Variants in LPCAT1 observed in about 807,000 individuals in gnomAD.
LPCAT1 encodes 1-acylglycerol-3-phosphate O-acyltransferase.
LPCAT1 carries 23 observed loss-of-function variants against 60.9 expected under a neutral mutation model. The observed-to-expected ratio is 0.38, with a 90% CI of 0.27 to 0.53. The LOEUF (loss-of-function observed/expected upper bound fraction) is 0.53. Ranked by LOEUF, LPCAT1 falls within the 20% of genes least tolerant of loss-of-function variation. The probability of loss-of-function intolerance (pLI) is 0.82; values close to 1 mark genes in which losing one functional copy is unlikely to be tolerated. For missense variants in LPCAT1, 622 were observed against 723.6 expected (o/e 0.86, Z 1.61); for synonymous variants, 340 against 301.1 (o/e 1.13, Z -1.34).
intron 1 of LPCAT1, among the ~76,000 whole-genome samples, chr5:1,520,875 A>G (rs951974514): frequency 6.0e-5 from 9 of 150,382 alleles, no homozygotes; most frequent in East Asian, 1.9e-4. Flanking sequence ...AAAAAAAAAA[A>G]AAAAGAAAAA....
At chr5:1,517,529 G>A (rs1246924575) in intron 1 of LPCAT1, among the ~76,000 whole-genome samples, 1 of 152,192 alleles carries the variant, frequency 6.6e-6, no homozygotes, top group Non-Finnish European at 1.5e-5. Flanking sequence ...GCCCCTGCAG[G>A]CACAGGAGGC....
Position 1,462,224 on chromosome 5 carries a change from T to G in LPCAT1, c.*1427A>C, listed in dbSNP as rs1043715743. 6.6e-6 allele frequency: 1 copy of G among 152,504 alleles called. No homozygotes were observed. The highest frequency in any genetic ancestry group is 1.9e-4 in the East Asian group (1 of 5,188). 9.4% of individuals were successfully genotyped at this position (152,504 alleles called of 1,614,324 possible). On this transcript the variant is annotated 3_prime_UTR_variant, in exon 14 of 14. Coordinates refer to ENST00000283415, the MANE Select transcript of LPCAT1 (RefSeq NM_024830.5). ...CAATTCATTTCAGAAATCAAAAAAA[T>G]TTTCCAAACAAACCCGGAGCCTTTG...
At chr5:1,466,713 A>C (rs775777761) in intron 13 of LPCAT1, 36 bp downstream of exon 13, 4 of 1,587,590 alleles carry the variant, frequency 2.5e-6, no homozygotes, top group Admixed American at 3.4e-5. Context: ...CCCCCGCCCA[A>C]GGGTCGCGAG....
chr5:1,468,110 G>A (rs1018418583), intron 12 of LPCAT1, among the ~76,000 whole-genome samples: 3 of 152,090 alleles, frequency 2.0e-5, no homozygotes, highest in Non-Finnish European at 4.4e-5. Flanking sequence ...CCAGCCTTCC[G>A]GCCTGGCAAG....
At chr5:1,485,085 C>T (rs562628602) in intron 5 of LPCAT1, among the ~76,000 whole-genome samples, 147 of 152,274 alleles carry the variant, frequency 9.7e-4, no homozygotes, top group African/African-American at 3.2e-3. Context: ...CGTGGAGTGC[C>T]GAGACCTGCT....
intron 5 of LPCAT1, among the ~76,000 whole-genome samples, chr5:1,485,510 T>C (rs866526948): frequency 3.6e-4 from 55 of 152,256 alleles, no homozygotes; most frequent in African/African-American, 1.2e-3. Flanking sequence ...TATTCACACA[T>C]AGCTTGTGCT....
Position 1,480,620 on chromosome 5 carries a change from C to T in LPCAT1, c.761+322G>A, listed in dbSNP as rs1735101277. Among the ~76,000 whole-genome samples the T allele has an allele frequency of 6.6e-6, 1 of 152,134 alleles. No homozygotes were observed. Among genetic ancestry groups the T allele is most frequent in the Non-Finnish European group, 1.5e-5 (1 of 68,022 alleles). ...GTGCAGACGGGGTCCCCCCAGACACCCCTAAATCTCCACTTTCCTTACCAG... is the reference window on the plus strand; with the variant it reads ...GTGCAGACGGGGTCCCCCCAGACACTCCTAAATCTCCACTTTCCTTACCAG... On this transcript the variant is annotated intron_variant, in intron 7 of 13. Transcript: ENST00000283415. The surrounding 1 kb of genome is among the most constrained non-coding windows in gnomAD (Gnocchi z 6.4).
At position 1,495,073 on chromosome 5, in the gene LPCAT1, A is replaced by G; in HGVS notation, c.279-159T>C. 1.5e-6 allele frequency: 1 copy of G among 677,272 alleles called. No homozygotes were observed. The allele number at this position is 677,272 out of a possible 1,614,324, so 42.0% of individuals were successfully genotyped here. ...TGGGACATCTGCTTGAGGGAAGAAA[A>G]GACGCCGCGCCTTCCTGGCCTCCGC... is the stretch of plus-strand genomic sequence containing the variant. On this transcript the variant is annotated intron_variant, in intron 2 of 13. Transcript: ENST00000283415. This position sits in a 1 kb window ranked among gnomAD's most constrained non-coding sequence, Gnocchi z 4.7.
chr5:1,501,287 G>A (rs903416223), intron 2 of LPCAT1, among the ~76,000 whole-genome samples, 174 bp downstream of exon 2: 4 of 152,216 alleles, frequency 2.6e-5, no homozygotes, highest in Non-Finnish European at 5.9e-5. Context: ...CAGAGGCAAC[G>A]GGGAGGTGGC....
Position 1,522,509 on chromosome 5 carries a change from C to G in LPCAT1, c.135+1201G>C, listed in dbSNP as rs1736706754. The stretch of plus-strand genomic sequence containing the variant: ...GGGACGACCTCACCCTGTGTGTCAC[C>G]AGGAGGGGCGGCACCATCGGGCTCT... On this transcript the variant is annotated intron_variant, in intron 1 of 13. Coordinates refer to ENST00000283415, the MANE Select transcript of LPCAT1 (RefSeq NM_024830.5). This position sits in a 1 kb window ranked among gnomAD's most constrained non-coding sequence, Gnocchi z 6.8. Among the ~76,000 whole-genome samples, 1 of 152,150 alleles carries G rather than the reference C, an allele frequency of 6.6e-6. No homozygotes were observed. The highest frequency in any genetic ancestry group is 2.1e-4 in the South Asian group (1 of 4,834).
At position 1,477,550 on chromosome 5, in the gene LPCAT1, G is replaced by T; in HGVS notation, c.817-64C>A. The T allele has an allele frequency of 1.7e-6, 2 of 1,207,096 alleles. No homozygotes were observed. Among genetic ancestry groups the T allele is most frequent in the South Asian group, 1.3e-5 (1 of 78,798 alleles). 74.8% of individuals were successfully genotyped at this position (1,207,096 alleles called of 1,614,324 possible). On this transcript the variant is annotated intron_variant, in intron 8 of 13. Coordinates refer to ENST00000283415, the MANE Select transcript of LPCAT1 (RefSeq NM_024830.5). This position sits in a 1 kb window ranked among gnomAD's most constrained non-coding sequence, Gnocchi z 6.0. ...CTGACCTCAGCAACACCACTGTAAC[G>T]ACAACTGGGAGGCTGACAAAATTAA... is the stretch of plus-strand genomic sequence containing the variant.
At position 1,489,726 on chromosome 5, in the gene LPCAT1, A is replaced by G. The variant is rs758546697; in HGVS notation, c.606+20T>C. On this transcript the variant is annotated intron_variant, in intron 4 of 13. Coordinates refer to ENST00000283415, the MANE Select transcript of LPCAT1 (RefSeq NM_024830.5). Reference sequence around the variant, plus strand: ...TTCGGAATAAAACCACTGAAACACAATCAGGGCTACGTGCATTACCTGTGG... The same window carrying G: ...TTCGGAATAAAACCACTGAAACACAGTCAGGGCTACGTGCATTACCTGTGG... 1.3e-6 allele frequency: 2 copies of G among 1,527,824 alleles called. No homozygotes were observed. The highest frequency in any genetic ancestry group is 1.8e-6 in the Non-Finnish European group (2 of 1,101,194). The allele number at this position is 1,527,824 out of a possible 1,614,324, so 94.6% of individuals were successfully genotyped here.
At chr5:1,469,271 C>T (rs540523815) in intron 12 of LPCAT1, among the ~76,000 whole-genome samples, 2 of 152,284 alleles carry the variant, frequency 1.3e-5, no homozygotes, top group East Asian at 3.9e-4. Flanking sequence ...TACCCCACCC[C>T]AAGCAGGGAC....
At chr5:1,464,718 C>G (rs1355061620) in intron 13 of LPCAT1, among the ~76,000 whole-genome samples, 1 of 144,666 alleles carries the variant, frequency 6.9e-6, no homozygotes, top group Non-Finnish European at 1.5e-5. Flanking sequence ...AGAGCACACA[C>G]GGTAAACACA....
chr5:1,492,784 G>C (rs1258897382), intron 3 of LPCAT1, among the ~76,000 whole-genome samples: 1 of 152,154 alleles, frequency 6.6e-6, no homozygotes, highest in Non-Finnish European at 1.5e-5. Flanking sequence ...TCGTGTTGGT[G>C]ATCTCCACAG....
intron 9 of LPCAT1, among the ~76,000 whole-genome samples, chr5:1,475,582 C>T (rs891879448): frequency 2.6e-5 from 4 of 152,266 alleles, no homozygotes; most frequent in Non-Finnish European, 5.9e-5. Flanking sequence ...AGGATGTGTG[C>T]GCTCTGCCAC....
At chr5:1,510,175 C>A (rs1736313075) in intron 1 of LPCAT1, among the ~76,000 whole-genome samples, 1 of 152,162 alleles carries the variant, frequency 6.6e-6, no homozygotes, top group Admixed American at 6.5e-5. Context: ...TCACCCCCAC[C>A]CCGTGTGACT....
At chr5:1,486,235 C>A (rs1193865590) in intron 5 of LPCAT1, among the ~76,000 whole-genome samples, 1 of 152,238 alleles carries the variant, frequency 6.6e-6, no homozygotes, top group African/African-American at 2.4e-5. Flanking sequence ...CCACATCCAG[C>A]AGACCCCACA....
chr5:1,504,838 A>G (rs965047841), intron 1 of LPCAT1, among the ~76,000 whole-genome samples: 4 of 152,246 alleles, frequency 2.6e-5, no homozygotes, highest in African/African-American at 7.2e-5. Flanking sequence ...GCACTAAGAG[A>G]AAGTCTCAGG....
Sources: gnomAD v4.1 joint callset for allele counts (sites outside exome capture counted in the v4.1 genomes callset) on GRCh38, gnomAD v4.1.1 for gene constraint, Gnocchi (gnomAD v3.1) non-coding constraint, MANE v1.5 for transcripts, NCBI Gene and HGNC (gene_info 2026-07-23, HGNC 2026-07-21) for gene names.